The following ARB2A variants were observed in gnomAD, a reference collection of about 807,000 sequenced individuals.
ARB2A encodes ARB2 cotranscriptional regulator A.
the ARB2A span, among the ~76,000 whole-genome samples, chr5:93,809,814 G>A: frequency 1.3e-5 from 2 of 152,096 alleles, no homozygotes; most frequent in South Asian, 4.1e-4. Context: ...CTAATTTACA[G>A]TAAGTAAAAT....
At chr5:93,707,952 T>C in the ARB2A span, among the ~76,000 whole-genome samples, 1 of 152,210 alleles carries the variant, frequency 6.6e-6, no homozygotes, top group Admixed American at 6.5e-5. Context: ...ACCCATTTAC[T>C]CCTTTCCTCA....
At chr5:93,898,622 T>G in the ARB2A span, among the ~76,000 whole-genome samples, 1 of 152,070 alleles carries the variant, frequency 6.6e-6, no homozygotes, top group African/African-American at 2.4e-5. Flanking sequence ...AATTGCTAAG[T>G]AAAAGATATT....
the ARB2A span, among the ~76,000 whole-genome samples, chr5:93,628,348 C>T: frequency 2.0e-3 from 300 of 152,076 alleles, 3 homozygotes; most frequent in East Asian, 9.9e-3. Flanking sequence ...AGTGCCCAGC[C>T]GATGCAGCAT....
At chr5:93,785,828 A>T in the ARB2A span, among the ~76,000 whole-genome samples, 1 of 152,220 alleles carries the variant, frequency 6.6e-6, no homozygotes, top group Admixed American at 6.5e-5. Flanking sequence ...AAAGCATAAA[A>T]TAATACTCTA....
chr5:93,679,798 T>C, the ARB2A span, among the ~76,000 whole-genome samples: 2 of 152,146 alleles, frequency 1.3e-5, no homozygotes, highest in East Asian at 3.8e-4. Flanking sequence ...AAACTGTATT[T>C]CATATAAAGT....
the ARB2A span, among the ~76,000 whole-genome samples, chr5:93,760,909 A>C: frequency 6.6e-6 from 1 of 152,248 alleles, no homozygotes; most frequent in African/African-American, 2.4e-5. Flanking sequence ...CTGGGACTTA[A>C]TTAAACTAAA....
the ARB2A span, among the ~76,000 whole-genome samples, chr5:93,952,669 G>T: frequency 1.3e-5 from 2 of 152,104 alleles, no homozygotes; most frequent in Admixed American, 1.3e-4. Flanking sequence ...TCTGCTTGGA[G>T]TTCCATAACT....
At chr5:93,957,962 T>G in the ARB2A span, among the ~76,000 whole-genome samples, 4 of 151,946 alleles carry the variant, frequency 2.6e-5, no homozygotes, top group African/African-American at 9.7e-5. Flanking sequence ...AGATATCAGT[T>G]TATGTTTTTC....
chr5:93,672,365 A>AATGGCGCCATCTTGGCCCACTT, the ARB2A span, among the ~76,000 whole-genome samples: 1 of 151,880 alleles, frequency 6.6e-6, no homozygotes, highest in Non-Finnish European at 1.5e-5. Context: ...GCTGGAGTGC[A>AATGGCGCCATCTTGGCCCACTT]ATGGCGCCAT....
chr5:94,073,964 T>G, the ARB2A span, among the ~76,000 whole-genome samples: 1 of 152,096 alleles, frequency 6.6e-6, no homozygotes, highest in Non-Finnish European at 1.5e-5. Context: ...AATTAATTAC[T>G]CCCATTTAAT....
the ARB2A span, among the ~76,000 whole-genome samples, chr5:93,918,208 C>T: frequency 6.6e-6 from 1 of 152,070 alleles, no homozygotes; most frequent in African/African-American, 2.4e-5. Flanking sequence ...TCTACCTTTC[C>T]AACTTTTGTC....
chr5:94,086,381 T>C, the ARB2A span, among the ~76,000 whole-genome samples: 1 of 152,184 alleles, frequency 6.6e-6, no homozygotes, highest in Non-Finnish European at 1.5e-5. Flanking sequence ...TACCACCTAG[T>C]GACATCATAG....
the ARB2A span, among the ~76,000 whole-genome samples, chr5:94,104,307 A>G: frequency 6.6e-6 from 1 of 151,810 alleles, no homozygotes; most frequent in African/African-American, 2.4e-5. Flanking sequence ...ACAATCAGAA[A>G]TGACAAAGTG....
the ARB2A span, among the ~76,000 whole-genome samples, chr5:93,832,049 C>G: frequency 6.6e-6 from 1 of 152,114 alleles, no homozygotes; most frequent in Non-Finnish European, 1.5e-5. Context: ...TATTCTGGAC[C>G]ACACTTGATA....
At chr5:94,056,730 T>C in the ARB2A span, among the ~76,000 whole-genome samples, 2 of 152,190 alleles carry the variant, frequency 1.3e-5, no homozygotes, top group Non-Finnish European at 2.9e-5. Context: ...TGCACATTAA[T>C]GTTCATAGGA....
At chr5:93,862,239 A>G in the ARB2A span, 1 of 152,228 alleles carries the variant, frequency 6.6e-6, no homozygotes, top group African/African-American at 2.4e-5. Flanking sequence ...AAGTACATAC[A>G]TTATATCAGT....
the ARB2A span, among the ~76,000 whole-genome samples, chr5:93,707,349 C>A: frequency 6.6e-6 from 1 of 152,212 alleles, no homozygotes; most frequent in Non-Finnish European, 1.5e-5. Context: ...TTGGGGAAGT[C>A]TGAAATGAAG....
the ARB2A span, among the ~76,000 whole-genome samples, chr5:93,712,048 G>C: frequency 6.6e-6 from 1 of 152,182 alleles, no homozygotes; most frequent in Non-Finnish European, 1.5e-5. Flanking sequence ...TGCTGGGACG[G>C]AAGTCCCAGG....
the ARB2A span, among the ~76,000 whole-genome samples, chr5:93,748,824 T>C: frequency 6.6e-6 from 1 of 152,128 alleles, no homozygotes; most frequent in Non-Finnish European, 1.5e-5. Flanking sequence ...ACACTGAGAA[T>C]TAAAGTGCTT....
Sources: allele counts gnomAD v4.1 joint callset (sites outside exome capture counted in the v4.1 genomes callset), GRCh38; gene constraint gnomAD v4.1.1; transcripts MANE v1.5; gene names NCBI Gene and HGNC (gene_info 2026-07-23, HGNC 2026-07-21).